CSMD1: variants seen among roughly 807,000 people sequenced by gnomAD.
CSMD1 encodes the protein CUB and sushi domain-containing protein 1.
CSMD1 carries 213 observed loss-of-function variants against 417.5 expected under a neutral mutation model. The ratio of observed to expected loss-of-function variants is 0.51; its 90% CI spans 0.46 to 0.57. The LOEUF (loss-of-function observed/expected upper bound fraction) is 0.57. Ranked by LOEUF, CSMD1 falls within the 20% of genes least tolerant of loss-of-function variation. CSMD1 has a pLI of 0.00. For missense variants in CSMD1, 6,923 were observed against 4,529.7 expected, an observed-to-expected ratio of 1.53 and a Z score of -15.17; for synonymous variants, 2,862 against 1,736.8, an observed-to-expected ratio of 1.65 and a Z score of -16.11.
intron 1 of CSMD1, among the ~76,000 whole-genome samples, chr8:4,940,147 T>C (rs767659784): frequency 1.3e-5 from 2 of 151,752 alleles, no homozygotes; most frequent in Non-Finnish European, 2.9e-5. Context: ...CAGGGAGGGG[T>C]CAGGGGAGTG....
At position 4,295,705 on chromosome 8, in the gene CSMD1, TTG is replaced by T. The variant is rs764851484; in HGVS notation, c.415+124246_415+124247del. Among the ~76,000 whole-genome samples, 232 of 144,426 alleles carry T rather than the reference TTG, an allele frequency of 1.6e-3. 5 individuals are homozygous for T. The highest frequency in any genetic ancestry group is 7.1e-3 in the Admixed American group (101 of 14,132). The allele number at this position is 144,426 out of a possible 152,430, so 94.7% of individuals were successfully genotyped here. ...TTATACATGTTATATATGTTATATA[TTG>T]TGTTAAAATTATATATATCTGTGTG... On this transcript the variant is annotated intron_variant, in intron 3 of 69. Transcript: ENST00000635120.
intron 2 of CSMD1, among the ~76,000 whole-genome samples, chr8:4,527,223 G>C (rs557239099): frequency 8.5e-5 from 13 of 152,108 alleles, no homozygotes; most frequent in Non-Finnish European, 1.8e-4. Context: ...GGCCAGTTGG[G>C]TTGCTGTAAT....
intron 1 of CSMD1, among the ~76,000 whole-genome samples, chr8:4,963,283 C>T (rs1180343475): frequency 1.3e-5 from 2 of 152,186 alleles, no homozygotes; most frequent in African/African-American, 4.8e-5. Context: ...TCACTGTAAC[C>T]TCCACCTCCG....
Position 3,332,059 on chromosome 8 carries a change from A to C in CSMD1, c.3631+11235T>G, listed in dbSNP as rs1463774900. Among the ~76,000 whole-genome samples, 3 of 152,258 alleles carry C rather than the reference A, an allele frequency of 2.0e-5. No homozygotes were observed. In the South Asian group the frequency reaches 6.2e-4, roughly 31 times the overall value. On this transcript the variant is annotated intron_variant, in intron 23 of 69. Transcript: ENST00000635120. Reference sequence around the variant, plus strand: ...AATGATAATAGATCATAGATTATCAATCAATAGATGATCAATTAATTGACA... The same window carrying C: ...AATGATAATAGATCATAGATTATCACTCAATAGATGATCAATTAATTGACA...
At chr8:3,840,950 T>C (rs1803095982) in intron 5 of CSMD1, among the ~76,000 whole-genome samples, 1 of 152,090 alleles carries the variant, frequency 6.6e-6, no homozygotes, top group South Asian at 2.1e-4. Context: ...CAGGTGATCC[T>C]CCTGCCTCGG....
At chr8:3,566,019 TA>T (rs1799689896) in intron 10 of CSMD1, among the ~76,000 whole-genome samples, 1 of 152,146 alleles carries the variant, frequency 6.6e-6, no homozygotes, top group Admixed American at 6.5e-5. Flanking sequence ...CCTTTGAGAA[TA>T]AAACATAAAC....
intron 3 of CSMD1, among the ~76,000 whole-genome samples, chr8:4,194,213 C>A (rs770324029): frequency 1.3e-5 from 2 of 152,102 alleles, no homozygotes; most frequent in Non-Finnish European, 2.9e-5. Context: ...AAATTTCTTT[C>A]GTCCAGCAAT....
intron 1 of CSMD1, among the ~76,000 whole-genome samples, chr8:4,920,901 GAAAA>G (rs1806411042): frequency 6.5e-5 from 2 of 30,730 alleles, no homozygotes; most frequent in African/African-American, 2.1e-4. Context: ...GAAAAGAAAA[GAAAA>G]GAAAAGAAAA....
intron 3 of CSMD1, among the ~76,000 whole-genome samples, chr8:4,084,294 T>A (rs1330678610): frequency 1.3e-5 from 2 of 149,806 alleles, no homozygotes; most frequent in African/African-American, 4.9e-5. Flanking sequence ...TTTCAACTTT[T>A]ATGAAAAAAG....
chr8:3,293,082 A>T (rs896863310), intron 25 of CSMD1, among the ~76,000 whole-genome samples: 2 of 151,928 alleles, frequency 1.3e-5, no homozygotes, highest in East Asian at 1.9e-4. Flanking sequence ...TCCTTCACTT[A>T]TGAAGCTTAG....
intron 3 of CSMD1, among the ~76,000 whole-genome samples, chr8:4,371,707 T>C (rs778421998): frequency 2.6e-5 from 4 of 152,232 alleles, no homozygotes; most frequent in Non-Finnish European, 5.9e-5. Flanking sequence ...TAATCATTAC[T>C]TTGTATGTAT....
At chr8:4,743,495 T>C (rs1401882747) in intron 1 of CSMD1, among the ~76,000 whole-genome samples, 1 of 151,902 alleles carries the variant, frequency 6.6e-6, no homozygotes, top group African/African-American at 2.4e-5. Context: ...GAGCGTCAAG[T>C]ACCATGAACC....
intron 6 of CSMD1, among the ~76,000 whole-genome samples, chr8:3,722,554 G>A (rs568267440): frequency 1.1e-4 from 16 of 152,176 alleles, no homozygotes; most frequent in African/African-American, 3.4e-4. Flanking sequence ...CTTACCTCTT[G>A]TCAATGTCTC....
chr8:3,333,988 G>C (rs1807075125), intron 23 of CSMD1, among the ~76,000 whole-genome samples: 1 of 152,154 alleles, frequency 6.6e-6, no homozygotes, highest in Non-Finnish European at 1.5e-5. Flanking sequence ...CCAAAATCTA[G>C]TTCTTAAAAA....
At chr8:3,986,970 T>C (rs1814376494) in intron 5 of CSMD1, among the ~76,000 whole-genome samples, 1 of 152,090 alleles carries the variant, frequency 6.6e-6, no homozygotes, top group Non-Finnish European at 1.5e-5. Context: ...GTTCAGGCTG[T>C]TCTTGAACTA....
chr8:4,569,755 ATTCT>A (rs1350968727), intron 2 of CSMD1, among the ~76,000 whole-genome samples: 1 of 152,028 alleles, frequency 6.6e-6, no homozygotes, highest in Non-Finnish European at 1.5e-5. Flanking sequence ...CACAATATTG[ATTCT>A]TTCTATCCAT....
chr8:3,663,513 C>G (rs1798526563), intron 7 of CSMD1, among the ~76,000 whole-genome samples: 1 of 152,112 alleles, frequency 6.6e-6, no homozygotes, highest in African/African-American at 2.4e-5. Context: ...AATCACTGAG[C>G]TACAGGGAAA....
At chr8:3,454,865 C>G (rs928987012) in intron 12 of CSMD1, among the ~76,000 whole-genome samples, 3 of 152,160 alleles carry the variant, frequency 2.0e-5, no homozygotes, top group African/African-American at 7.2e-5. Flanking sequence ...GCCTGCCTGG[C>G]TAGATTGGGG....
At chr8:4,074,056 A>C (rs546190345) in intron 3 of CSMD1, among the ~76,000 whole-genome samples, 1 of 152,216 alleles carries the variant, frequency 6.6e-6, no homozygotes, top group African/African-American at 2.4e-5. Context: ...TAGTTTTGTT[A>C]TAATATTGAT....
Sources: gnomAD v4.1 joint callset for allele counts (sites outside exome capture counted in the v4.1 genomes callset) on GRCh38, gnomAD v4.1.1 for gene constraint, MANE v1.5 for transcripts, NCBI Gene and HGNC (gene_info 2026-07-23, HGNC 2026-07-21) for gene names.